CDC45: variants seen among roughly 807,000 people sequenced by gnomAD.
CDC45 encodes cell division cycle 45, also known as cell division control protein 45 homolog.
A neutral mutation model predicts 77.8 loss-of-function variants in CDC45; 54 were observed. The ratio of observed to expected loss-of-function variants is 0.69; its 90% CI spans 0.56 to 0.87. The LOEUF is 0.87. Among genes scored for constraint, CDC45 ranks in the 40% least tolerant of loss-of-function variants. The pLI is 0.00. For missense variants in CDC45, 649 were observed against 721.6 expected, an observed-to-expected ratio of 0.90 and a Z score of 1.15; for synonymous variants, 260 against 272.1, an observed-to-expected ratio of 0.96 and a Z score of 0.44.
At position 19,518,910 on chromosome 22, in the gene CDC45, G is replaced by T. The variant is rs868478591; in HGVS notation, c.*1+1G>T. ...GCACTTATTTCCCTCCTGTCCTAGG[G>T]TGAGTTACAGGGGTTCTGCAGGGGT... On this transcript the variant is annotated splice_donor_variant, in intron 18 of 18. Coordinates refer to ENST00000263201, the MANE Select transcript of CDC45 (RefSeq NM_003504.5). LOFTEE classifies it low-confidence loss of function (3UTR_SPLICE). 6.2e-7 allele frequency: 1 copy of T among 1,613,130 alleles called. No individual in the cohort carries two copies. Among genetic ancestry groups the T allele is most frequent in the Non-Finnish European group, 8.5e-7 (1 of 1,179,138 alleles).
intron 5 of CDC45, among the ~76,000 whole-genome samples, chr22:19,486,834 G>A (rs533156042): frequency 9.2e-5 from 14 of 152,178 alleles, no homozygotes; most frequent in African/African-American, 3.1e-4. Context: ...CTGCCACCAC[G>A]CCCAGCTAAT....
At chr22:19,491,242 C>T (rs1166120503) in intron 5 of CDC45, among the ~76,000 whole-genome samples, 1 of 152,162 alleles carries the variant, frequency 6.6e-6, no homozygotes, top group East Asian at 1.9e-4. Flanking sequence ...TAATTACAAA[C>T]TCAAGAGGAT....
chr22:19,505,238 G>A (rs1933098250), intron 9 of CDC45, 124 bp from the exon 10 acceptor site: 2 of 1,120,424 alleles, frequency 1.8e-6, no homozygotes, highest in African/African-American at 1.5e-5. Context: ...GTCCCTGCAT[G>A]GGAACAGCTC....
chr22:19,513,367 T>C (rs1933617777), intron 13 of CDC45, among the ~76,000 whole-genome samples: 1 of 152,266 alleles, frequency 6.6e-6, no homozygotes, highest in Non-Finnish European at 1.5e-5. Context: ...TACTTTATTG[T>C]GCTAATAAAC....
At chr22:19,503,850 GAGA>G (rs533861234) in intron 9 of CDC45, among the ~76,000 whole-genome samples, 28 of 152,362 alleles carry the variant, frequency 1.8e-4, no homozygotes, top group Admixed American at 1.6e-3. Context: ...CAAATCAGAG[GAGA>G]AAAGGGTGCT....
intron 15 of CDC45, among the ~76,000 whole-genome samples, chr22:19,515,251 C>T (rs1405698360): frequency 6.6e-6 from 1 of 152,204 alleles, no homozygotes. Context: ...TGATTCATCA[C>T]TGGCTGTCTA....
intron 10 of CDC45, among the ~76,000 whole-genome samples, chr22:19,506,309 T>C (rs1298221535): frequency 6.6e-6 from 1 of 152,094 alleles, no homozygotes; most frequent in African/African-American, 2.4e-5. Flanking sequence ...GGGGAGCCGC[T>C]GTGCACTGGA....
chr22:19,515,934 A>C (rs1304082898), intron 15 of CDC45, among the ~76,000 whole-genome samples: 1 of 152,184 alleles, frequency 6.6e-6, no homozygotes, highest in Non-Finnish European at 1.5e-5. Flanking sequence ...CCTGGTGCAC[A>C]TCCTGGGACA....
At chr22:19,508,272 G>A (rs1933317391) in intron 12 of CDC45, among the ~76,000 whole-genome samples, 1 of 152,160 alleles carries the variant, frequency 6.6e-6, no homozygotes, top group Non-Finnish European at 1.5e-5. Context: ...CAGCCAGCTG[G>A]CATGCTAAGG....
chr22:19,494,770 G>C (rs1054235757), intron 6 of CDC45, among the ~76,000 whole-genome samples: 6 of 152,234 alleles, frequency 3.9e-5, no homozygotes, highest in Non-Finnish European at 7.3e-5. Context: ...CTTGAGGTGG[G>C]TCCCGGGGGA....
chr22:19,507,878 T>A lies in CDC45; in HGVS notation c.1055+14T>A. 6.5e-7 allele frequency: 1 copy of A among 1,536,430 alleles called. No homozygotes were observed. The highest frequency in any genetic ancestry group is 9.0e-7 in the Non-Finnish European group (1 of 1,116,858). On this transcript the variant is annotated intron_variant, in intron 12 of 18. Coordinates refer to ENST00000263201, the MANE Select transcript of CDC45 (RefSeq NM_003504.5). ...AAATAAATTTGGGTAAACACACATT[T>A]TTCTGGATTTATCTTCATTACATCC...
intron 9 of CDC45, chr22:19,505,054 A>T: frequency 5.3e-6 from 2 of 375,962 alleles, no homozygotes; most frequent in Non-Finnish European, 5.0e-6. Context: ...GATCCCTGTC[A>T]CTTACGGAGT....
At chr22:19,508,488 C>T (rs760046466) in intron 12 of CDC45, 42 bp from the exon 13 acceptor site, 1 of 1,610,576 alleles carries the variant, frequency 6.2e-7, no homozygotes, top group South Asian at 1.1e-5. Flanking sequence ...TGAGAGCTTG[C>T]CCACAATTTG....
intron 13 of CDC45, among the ~76,000 whole-genome samples, chr22:19,514,530 C>T (rs1933673863): frequency 6.6e-6 from 1 of 152,184 alleles, no homozygotes; most frequent in African/African-American, 2.4e-5. Flanking sequence ...TCTTCTGATA[C>T]TTGCACCCGC....
intron 17 of CDC45, among the ~76,000 whole-genome samples, chr22:19,518,612 G>T (rs13447288): frequency 4.6e-5 from 7 of 152,092 alleles, no homozygotes; most frequent in East Asian, 1.9e-4. Context: ...GTCTTCCCGG[G>T]GGGGAGTTCT....
intron 9 of CDC45, among the ~76,000 whole-genome samples, chr22:19,501,296 A>C (rs536695687): frequency 6.6e-6 from 1 of 152,284 alleles, no homozygotes; most frequent in African/African-American, 2.4e-5. Context: ...ACCTAGAGAC[A>C]AGCCCAAGTG....
rs531597443 is a variant in CDC45, at chr22:19,498,986, A to G, written c.654-115A>G. ...CAAGCCAGGGTCTGGCCCCACTGGC[A>G]GGACATTCCCCAGAGTGCTGAGCTT... is the stretch of plus-strand genomic sequence containing the variant. On this transcript the variant is annotated intron_variant, in intron 8 of 18. Transcript: ENST00000263201. 4.7e-4 allele frequency: 538 copies of G among 1,147,452 alleles called. 5 individuals carry two copies. Among genetic ancestry groups the G allele is most frequent in the Non-Finnish European group, 7.5e-5 (58 of 771,416 alleles). The allele number at this position is 1,147,452 out of a possible 1,614,324, so 71.1% of individuals were successfully genotyped here.
At chr22:19,517,264 C>T (rs1165990884) in intron 17 of CDC45, among the ~76,000 whole-genome samples, 1 of 152,190 alleles carries the variant, frequency 6.6e-6, no homozygotes, top group Non-Finnish European at 1.5e-5. Flanking sequence ...AACAGCAGGG[C>T]CCGTGATGAC....
chr22:19,509,992 C>T (rs1052645426), intron 13 of CDC45, among the ~76,000 whole-genome samples: 4 of 152,140 alleles, frequency 2.6e-5, no homozygotes, highest in Admixed American at 6.5e-5. Flanking sequence ...GACAGGGTCT[C>T]GCTCTGTTGC....
Sources: gnomAD v4.1 joint callset for allele counts (sites outside exome capture counted in the v4.1 genomes callset) on GRCh38, gnomAD v4.1.1 for gene constraint, MANE v1.5 for transcripts, NCBI Gene and HGNC (gene_info 2026-07-23, HGNC 2026-07-21) for gene names.